Variants in DEPDC5 observed in about 807,000 individuals in gnomAD.
DEPDC5 encodes the protein GATOR1 complex protein DEPDC5.
In DEPDC5, 73 loss-of-function variants were observed where a neutral mutation model predicts 217.3. That is an observed-to-expected ratio of 0.34 (90% confidence interval 0.28 to 0.41). The LOEUF (loss-of-function observed/expected upper bound fraction) is 0.41. Ranked by LOEUF, DEPDC5 falls within the 10% of genes least tolerant of loss-of-function variation. The probability of loss-of-function intolerance (pLI) is 1.00; values close to 1 mark genes in which losing one functional copy is unlikely to be tolerated. For synonymous variants in DEPDC5, 733 were observed against 756.7 expected (o/e 0.97, Z 0.51); for missense variants, 1,675 against 2,070.1 (o/e 0.81, Z 3.70).
At chr22:31,818,912 T>C in intron 21 of DEPDC5, 110 bp from the exon 22 acceptor site, 1 of 1,124,002 alleles carries the variant, frequency 8.9e-7, no homozygotes, top group Non-Finnish European at 1.3e-6. Context: ...CTCCCTGACA[T>C]TTATAATGCC....
chr22:31,828,815 C>G (rs1410522711), intron 24 of DEPDC5, among the ~76,000 whole-genome samples: 1 of 152,222 alleles, frequency 6.6e-6, no homozygotes, highest in Non-Finnish European at 1.5e-5. Context: ...CACTGACTCT[C>G]CCGACCTCAA....
At chr22:31,901,451 C>T (rs1352384057) in intron 40 of DEPDC5, among the ~76,000 whole-genome samples, 3 of 152,232 alleles carry the variant, frequency 2.0e-5, no homozygotes, top group African/African-American at 7.2e-5. Flanking sequence ...AGAAGTCATT[C>T]GAATGAGCCT....
At chr22:31,813,711 A>G (rs770574866) in intron 20 of DEPDC5, among the ~76,000 whole-genome samples, 14 of 151,742 alleles carry the variant, frequency 9.2e-5, no homozygotes, top group Middle Eastern at 3.4e-3. Flanking sequence ...GCATATATAA[A>G]CTTTTATTAG....
intron 29 of DEPDC5, among the ~76,000 whole-genome samples, chr22:31,844,535 A>T (rs1247871302): frequency 6.6e-6 from 1 of 152,030 alleles, no homozygotes; most frequent in Non-Finnish European, 1.5e-5. Flanking sequence ...CGTTCTCTCC[A>T]CTAGTTGGCT....
rs143923637 is a variant in DEPDC5, at chr22:31,819,326, C to G, written c.1870+101C>G. The G allele has an allele frequency of 1.5e-5, 19 of 1,282,184 alleles. No individual in the cohort carries two copies. The Admixed American group carries it at 2.0e-4, about 13-fold the overall frequency. The allele number at this position is 1,282,184 out of a possible 1,614,324, so 79.4% of individuals were successfully genotyped here. On this transcript the variant is annotated intron_variant, in intron 22 of 42. Transcript: ENST00000651528. ...TCCTTGGTCAGGTGCCTCTGTTGCT[C>G]CACCTGTAAGATGGGATAACCATGC...
chr22:31,809,078 T>TATTTAATCTG (rs1215791767), intron 18 of DEPDC5, among the ~76,000 whole-genome samples: 2 of 152,190 alleles, frequency 1.3e-5, no homozygotes, highest in Non-Finnish European at 2.9e-5. Context: ...TTTATTTATT[T>TATTTAATCTG]ATTTAATCTG....
chr22:31,803,631 A>G lies in DEPDC5; in HGVS notation c.1082-531A>G, dbSNP rs562752763. On this transcript the variant is annotated intron_variant, in intron 15 of 42. Transcript: ENST00000651528. ...CAATTTGATTTGTTTCATCAACAAG[A>G]TGGAGTTGGGACGCTGAGGCAGTAG... 7.9e-5 allele frequency among the ~76,000 whole-genome samples: 12 copies of G among 152,012 alleles called. 1 individual carries two copies. The South Asian group carries it at 2.5e-3, about 32-fold the overall frequency.
intron 38 of DEPDC5, among the ~76,000 whole-genome samples, chr22:31,887,746 T>G (rs1162217131): frequency 1.3e-5 from 2 of 152,228 alleles, no homozygotes; most frequent in Non-Finnish European, 2.9e-5. Flanking sequence ...CATATACAGC[T>G]AATTCTATCC....
rs553592666 is a variant in DEPDC5, at chr22:31,777,421, C to T, written c.414-678C>T. Among the ~76,000 whole-genome samples the T allele has an allele frequency of 4.8e-5, 7 of 147,038 alleles. No individual in the cohort carries two copies. The South Asian group carries it at 1.1e-3, about 23-fold the overall frequency. On this transcript the variant is annotated intron_variant, in intron 7 of 42. Transcript: ENST00000651528. Reference sequence around the variant, plus strand: ...GATTACAGGCGCATGCCACCACGCCCAGCTAATTTTTTTTTTTTTTAGTAG... The same window carrying T: ...GATTACAGGCGCATGCCACCACGCCTAGCTAATTTTTTTTTTTTTTAGTAG...
At chr22:31,777,863 T>C (rs2084036032) in intron 7 of DEPDC5, among the ~76,000 whole-genome samples, 1 of 152,140 alleles carries the variant, frequency 6.6e-6, no homozygotes, top group East Asian at 1.9e-4. Flanking sequence ...TTCTCCTGCC[T>C]TAGCCTCCTG....
chr22:31,822,834 G>A lies in DEPDC5; in HGVS notation c.2104+44G>A, dbSNP rs776959040. The A allele has an allele frequency of 7.0e-6, 11 of 1,581,310 alleles. No homozygotes were observed. The Admixed American group carries it at 1.0e-4, about 15-fold the overall frequency. On this transcript the variant is annotated intron_variant, in intron 24 of 42. Coordinates refer to ENST00000651528, the MANE Select transcript of DEPDC5 (RefSeq NM_001242896.3). ...AATAGAGTTGGGATGTTTAGATCAGGCTCACATCTGGAAATGACACAAGGG... is the reference window on the plus strand; with the variant it reads ...AATAGAGTTGGGATGTTTAGATCAGACTCACATCTGGAAATGACACAAGGG...
Position 31,906,026 on chromosome 22 carries a change from C to T in DEPDC5, c.4479C>T (p.Asn1493=). ...ATAAATATTCTGCCTCTGCTTTTAACTTCCCTGCTGAGAACAAGCCTCAGT... is the reference window on the plus strand; with the variant it reads ...ATAAATATTCTGCCTCTGCTTTTAATTTCCCTGCTGAGAACAAGCCTCAGT... The part of the protein sequence containing the change: ...VQDKYSASAF[N]FPAENKPQYI... Residue 1493 remains asparagine, a synonymous_variant, in exon 42 of 43, where the codon AAC becomes AAT. Transcript: ENST00000651528. This position sits in a 1 kb window ranked among gnomAD's most constrained non-coding sequence, Gnocchi z 5.1. 1 of 1,614,202 alleles carries T rather than the reference C, an allele frequency of 6.2e-7. No homozygotes were observed. The highest frequency in any genetic ancestry group is 8.5e-7 in the Non-Finnish European group (1 of 1,180,046).
At chr22:31,870,502 C>CTTAT (rs2092810775) in intron 33 of DEPDC5, 88 bp from the exon 34 acceptor site, 26 of 1,324,684 alleles carry the variant, frequency 2.0e-5, no homozygotes, top group Non-Finnish European at 2.4e-5. Context: ...TGAATGCTTA[C>CTTAT]TGAGTGAATA....
intron 25 of DEPDC5, among the ~76,000 whole-genome samples, chr22:31,834,821 G>A (rs532485072): frequency 1.2e-4 from 18 of 151,978 alleles, no homozygotes; most frequent in Admixed American, 7.2e-4. Flanking sequence ...GAGCCACCTC[G>A]CCCAGCCTTT....
intron 26 of DEPDC5, 98 bp downstream of exon 26, chr22:31,837,253 A>G (rs2091074659): frequency 7.7e-7 from 1 of 1,305,972 alleles, no homozygotes; most frequent in East Asian, 2.4e-5. Flanking sequence ...GGCTTCAGCA[A>G]CACATATATT....
chr22:31,755,108 C>T (rs2075208941), intron 2 of DEPDC5, 129 bp downstream of exon 2: 2 of 1,004,802 alleles, frequency 2.0e-6, no homozygotes, highest in Admixed American at 4.7e-5. Flanking sequence ...ACTAAAGCAG[C>T]AACTGTCATA....
chr22:31,853,051 C>G (rs1035947574), intron 31 of DEPDC5: 6 of 152,236 alleles, frequency 3.9e-5, no homozygotes, highest in Non-Finnish European at 7.3e-5. Context: ...ACTGAGGGCA[C>G]TGGGTCTTCT....
chr22:31,808,665 A>G (rs1361494006), intron 18 of DEPDC5, among the ~76,000 whole-genome samples: 2 of 149,854 alleles, frequency 1.3e-5, no homozygotes, highest in East Asian at 4.0e-4. Context: ...TGAACTCCTG[A>G]CCTCAGGTGA....
chr22:31,885,974 AT>A (rs1297700328), intron 38 of DEPDC5, among the ~76,000 whole-genome samples: 1 of 150,926 alleles, frequency 6.6e-6, no homozygotes, highest in African/African-American at 2.4e-5. Flanking sequence ...CGGAGGTTGC[AT>A]TGAGCCAAGA....
Sources: gnomAD v4.1 joint callset for allele counts (sites outside exome capture counted in the v4.1 genomes callset) on GRCh38, gnomAD v4.1.1 for gene constraint, Gnocchi (gnomAD v3.1) non-coding constraint, MANE v1.5 for transcripts, NCBI Gene and HGNC (gene_info 2026-07-23, HGNC 2026-07-21) for gene names.